Variants in DMRT1 observed in about 807,000 individuals in gnomAD.
DMRT1 encodes the protein doublesex- and mab-3-related transcription factor 1.
DMRT1 carries 7 observed loss-of-function variants against 32.3 expected under a neutral mutation model. The observed-to-expected ratio is 0.22, with a 90% CI of 0.12 to 0.41. The LOEUF is 0.41. Among genes scored for constraint, DMRT1 ranks in the 10% least tolerant of loss-of-function variants. The pLI is 1.00. For missense variants in DMRT1, 625 were observed against 500.5 expected, an observed-to-expected ratio of 1.25 and a Z score of -2.37; for synonymous variants, 278 against 206.1, an observed-to-expected ratio of 1.35 and a Z score of -2.99.
At chr9:894,491 C>T (rs1017391468) in intron 3 of DMRT1, 1 of 456,782 alleles carries the variant, frequency 2.2e-6, no homozygotes, top group African/African-American at 2.0e-5. Context: ...TCAAATTTTA[C>T]TTTTCTCATT....
Position 895,845 on chromosome 9 carries a change from A to G in DMRT1, c.822+1650A>G, listed in dbSNP as rs553434697. Among the ~76,000 whole-genome samples, 942 of 130,836 alleles carry G rather than the reference A, an allele frequency of 7.2e-3. 10 individuals carry two copies. Among genetic ancestry groups the G allele is most frequent in the African/African-American group, 0.026 (893 of 33,718 alleles). The allele number at this position is 130,836 out of a possible 152,430, so 85.8% of individuals were successfully genotyped here. A position where few individuals can be genotyped will look rare whatever the true frequency, so the allele number is the denominator to read the frequency against. On this transcript the variant is annotated intron_variant, in intron 3 of 4. Transcript: ENST00000382276. ...TTTTGAGAGGGAGTCTTGCTCTGTCACCCAGCTGGAGTACAGTGGCGCGAT... is the reference window on the plus strand; with the variant it reads ...TTTTGAGAGGGAGTCTTGCTCTGTCGCCCAGCTGGAGTACAGTGGCGCGAT...
chr9:873,095 A>G (rs1589481808), intron 2 of DMRT1, among the ~76,000 whole-genome samples: 1 of 152,292 alleles, frequency 6.6e-6, no homozygotes, highest in Admixed American at 6.5e-5. Context: ...TCTAAAATTA[A>G]CCATCACACC....
intron 4 of DMRT1, among the ~76,000 whole-genome samples, chr9:941,297 G>C (rs567338491): frequency 2.0e-5 from 3 of 151,218 alleles, no homozygotes; most frequent in African/African-American, 7.3e-5. Flanking sequence ...AAAATGTGGC[G>C]CATGCATGAG....
chr9:967,095 C>T (rs894738468), intron 4 of DMRT1, among the ~76,000 whole-genome samples: 1 of 152,176 alleles, frequency 6.6e-6, no homozygotes, highest in Non-Finnish European at 1.5e-5. Flanking sequence ...TGAAACCAAT[C>T]AGGAAGTTAA....
intron 1 of DMRT1, among the ~76,000 whole-genome samples, chr9:845,058 C>T (rs1009153544): frequency 6.6e-6 from 1 of 152,084 alleles, no homozygotes; most frequent in South Asian, 2.1e-4. Flanking sequence ...TTTGATTTCA[C>T]CTTTGGCTTA....
intron 2 of DMRT1, among the ~76,000 whole-genome samples, chr9:853,394 TTAA>T (rs1815245912): frequency 6.6e-6 from 1 of 152,202 alleles, no homozygotes; most frequent in Admixed American, 6.5e-5. Context: ...GTGGGGTTAT[TTAA>T]ATTTAAGATA....
chr9:878,794 T>C (rs956910159), intron 2 of DMRT1, among the ~76,000 whole-genome samples: 1 of 152,218 alleles, frequency 6.6e-6, no homozygotes, highest in African/African-American at 2.4e-5. Flanking sequence ...TGGCAGAGCC[T>C]TTCTAAGTAC....
chr9:936,098 A>C (rs939587808), intron 4 of DMRT1, among the ~76,000 whole-genome samples: 9 of 152,228 alleles, frequency 5.9e-5, no homozygotes, highest in Admixed American at 2.6e-4. Flanking sequence ...TTCTTGTCCC[A>C]GTCATTTCTA....
chr9:873,783 A>G (rs1816378551), intron 2 of DMRT1, among the ~76,000 whole-genome samples: 1 of 152,208 alleles, frequency 6.6e-6, no homozygotes, highest in Non-Finnish European at 1.5e-5. Flanking sequence ...TAAGTATTGT[A>G]TTGTCCATTT....
At position 847,070 on chromosome 9, in the gene DMRT1, C is replaced by T; in HGVS notation, c.465C>T (p.Asn155=). 1 of 1,614,032 alleles carries T rather than the reference C, an allele frequency of 6.2e-7. No homozygotes were observed. Among genetic ancestry groups the T allele is most frequent in the Non-Finnish European group, 8.5e-7 (1 of 1,180,050 alleles). The part of the protein sequence containing the change: ...LLVKRENNGS[N]PCLMTECSGT... The stretch of plus-strand genomic sequence containing the variant: ...TCAAAAGAGAGAACAATGGCAGTAA[C>T]CCGTGCCTCATGACTGAGTGCAGTG... The change falls in exon 2 of 5, where the codon AAC becomes AAT. Residue 155 remains asparagine (N), a synonymous_variant. Transcript: ENST00000382276.
intron 4 of DMRT1, among the ~76,000 whole-genome samples, chr9:956,265 G>C (rs1819596997): frequency 6.6e-6 from 1 of 152,196 alleles, no homozygotes; most frequent in African/African-American, 2.4e-5. Flanking sequence ...GCCAGGAGTT[G>C]AGGGGAGAAG....
At chr9:926,309 G>A in intron 4 of DMRT1, among the ~76,000 whole-genome samples, 1 of 152,146 alleles carries the variant, frequency 6.6e-6, no homozygotes, top group East Asian at 1.9e-4. Context: ...AAGTGGAAGG[G>A]TTAATATTTG....
In DMRT1 at chr9:894,201, A is replaced by T. The variant is rs1817263784; in HGVS notation, c.822+6A>T. On this transcript the variant is annotated splice_donor_region_variant and intron_variant, in intron 3 of 4. Transcript: ENST00000382276. ...AGACAGGAAACCAGTGGCAGGTATG[A>T]TATTAATTACCCAGAGAGTGAACTG... 18 of 1,612,758 alleles carry T rather than the reference A, an allele frequency of 1.1e-5. No individual in the cohort carries two copies. The highest frequency in any genetic ancestry group is 1.5e-5 in the Non-Finnish European group (18 of 1,179,982).
chr9:922,197 G>A (rs1336308434), intron 4 of DMRT1, among the ~76,000 whole-genome samples: 5 of 152,170 alleles, frequency 3.3e-5, no homozygotes, highest in African/African-American at 1.2e-4. Context: ...AGTCTGGGGG[G>A]CTCTAGTAAT....
chr9:918,783 C>A (rs77081619), intron 4 of DMRT1, among the ~76,000 whole-genome samples: 5,328 of 152,218 alleles, frequency 0.035, 318 homozygotes, highest in East Asian at 0.16. Flanking sequence ...TGTACAAATA[C>A]GTAGAAAATC....
intron 2 of DMRT1, among the ~76,000 whole-genome samples, chr9:849,826 TCTC>T (rs200213049): frequency 1.6e-4 from 11 of 69,012 alleles, no homozygotes; most frequent in Non-Finnish European, 2.8e-4. Context: ...TCTCTCTCTC[TCTC>T]TTTTTTTTTT....
chr9:858,232 A>T (rs1815488368), intron 2 of DMRT1, among the ~76,000 whole-genome samples: 1 of 152,176 alleles, frequency 6.6e-6, no homozygotes, highest in African/African-American at 2.4e-5. Context: ...CAGTTCACAA[A>T]GACTTTCAGA....
chr9:923,698 G>C (rs986579746), intron 4 of DMRT1, among the ~76,000 whole-genome samples: 1 of 152,180 alleles, frequency 6.6e-6, no homozygotes, highest in Non-Finnish European at 1.5e-5. Context: ...GGCTGCGTTT[G>C]TTATGTATGC....
chr9:851,244 T>C (rs1839139077), intron 2 of DMRT1, among the ~76,000 whole-genome samples: 1 of 152,004 alleles, frequency 6.6e-6, no homozygotes, highest in Non-Finnish European at 1.5e-5. Context: ...TTTTATTTAT[T>C]TATTTATTTT....
Sources: gnomAD v4.1 joint callset for allele counts (sites outside exome capture counted in the v4.1 genomes callset) on GRCh38, gnomAD v4.1.1 for gene constraint, MANE v1.5 for transcripts, NCBI Gene and HGNC (gene_info 2026-07-23, HGNC 2026-07-21) for gene names.